Variants in SHOC2 observed in about 807,000 individuals in gnomAD.
SHOC2 encodes the protein SHOC2 leucine rich repeat scaffold protein, also known as leucine-rich repeat protein SHOC-2.
In SHOC2, 4 loss-of-function variants were observed where a neutral mutation model predicts 50.2. The observed-to-expected ratio is 0.08, with a 90% CI of 0.04 to 0.18. SHOC2 has a LOEUF of 0.18. SHOC2 is among the 10% of genes least tolerant of loss of function. The pLI is 1.00. For synonymous variants in SHOC2, 218 were observed against 244.5 expected, an observed-to-expected ratio of 0.89 and a Z score of 1.01; for missense variants, 388 against 669.6, an observed-to-expected ratio of 0.58 and a Z score of 4.64.
chr10:110,961,650 G>T (rs1327556), intron 1 of SHOC2, among the ~76,000 whole-genome samples: 10,100 of 152,054 alleles, frequency 0.066, 442 homozygotes, highest in African/African-American at 0.12. Context: ...GATGAGTTTG[G>T]GGGTCACTAG....
At chr10:110,926,736 A>G (rs1163867818) in intron 1 of SHOC2, among the ~76,000 whole-genome samples, 2 of 152,204 alleles carry the variant, frequency 1.3e-5, no homozygotes, top group African/African-American at 4.8e-5. Flanking sequence ...AAATTTTGTT[A>G]ATAACCTCAT....
intron 1 of SHOC2, among the ~76,000 whole-genome samples, chr10:110,955,037 T>C (rs2134109082): frequency 1.3e-5 from 2 of 152,308 alleles, no homozygotes; most frequent in African/African-American, 4.8e-5. Context: ...TACCTAATAT[T>C]TGAAAAATTA....
At chr10:110,997,917 A>G (rs1468438497) in intron 3 of SHOC2, among the ~76,000 whole-genome samples, 1 of 151,804 alleles carries the variant, frequency 6.6e-6, no homozygotes, top group Admixed American at 6.6e-5. Flanking sequence ...TTGCCATTAT[A>G]TATGACTTAA....
In SHOC2 at chr10:111,008,074, A is replaced by G. The variant is rs185055453; in HGVS notation, c.1284+421A>G. 2.0e-3 allele frequency among the ~76,000 whole-genome samples: 304 copies of G among 148,582 alleles called. 2 individuals are homozygous for G. Among genetic ancestry groups the G allele is most frequent in the African/African-American group, 7.3e-3 (294 of 40,226 alleles). On this transcript the variant is annotated intron_variant, in intron 6 of 8. Coordinates refer to ENST00000369452, the MANE Select transcript of SHOC2 (RefSeq NM_007373.4). ...CTGCTATTTTATTTACTCATTGATT[A>G]TTGTCTTTGTTGTAAATCTGGTATG... is the stretch of plus-strand genomic sequence containing the variant.
At chr10:110,971,071 A>G (rs1847772850) in intron 2 of SHOC2, among the ~76,000 whole-genome samples, 1 of 151,800 alleles carries the variant, frequency 6.6e-6, no homozygotes, top group South Asian at 2.1e-4. Context: ...CCATTTGTCT[A>G]TTTTTGCTTG....
In SHOC2 at chr10:110,936,604, T is replaced by TTTTTTTTTTTA. The variant is rs763178456; in HGVS notation, c.-235+16947_-235+16948insTTTTTTTTTTA. 465 of 761,624 alleles carry TTTTTTTTTTTA rather than the reference T, an allele frequency of 6.1e-4. 5 individuals carry two copies. In the East Asian group the frequency reaches 0.01, roughly 17 times the overall value. 47.2% of individuals were successfully genotyped at this position (761,624 alleles called of 1,614,324 possible). ...TTTTCTTTTCCTTTTTTTTTTTTTTTAACAGTCTTTATTGGGCTCAGACCA... is the reference window on the plus strand; with the variant it reads ...TTTTCTTTTCCTTTTTTTTTTTTTTTTTTTTTTTTTAAACAGTCTTTATTGGGCTCAGACCA... On this transcript the variant is annotated intron_variant, in intron 1 of 8. Transcript: ENST00000369452.
chr10:110,986,496 CAG>C (rs1848078999), intron 3 of SHOC2, among the ~76,000 whole-genome samples: 2 of 151,750 alleles, frequency 1.3e-5, no homozygotes, highest in African/African-American at 2.4e-5. Flanking sequence ...TTTTTTGAGA[CAG>C]AGTTTCACTC....
At chr10:110,975,841 C>G (rs1391872546) in intron 2 of SHOC2, among the ~76,000 whole-genome samples, 3 of 151,954 alleles carry the variant, frequency 2.0e-5, no homozygotes, top group African/African-American at 7.3e-5. Flanking sequence ...TGTTTTTAGA[C>G]TATGCAGATA....
intron 7 of SHOC2, 51 bp downstream of exon 7, chr10:111,009,436 C>A: frequency 7.0e-7 from 1 of 1,418,876 alleles, no homozygotes; most frequent in Non-Finnish European, 9.9e-7. Context: ...GAATCTGTTC[C>A]AAATTCCACA....
In SHOC2 at chr10:110,964,619, T is replaced by C. The variant is rs1286847375; in HGVS notation, c.261T>C (p.Asn87=). ...PAPGTRKKSS[N]AEVIKELNKC... ...CTGGGACTAGAAAAAAATCCAGCAA[T>C]GCAGAGGTGATTAAAGAGCTCAACA... The change falls in exon 2 of 9, where the codon AAT becomes AAC. Residue 87 remains asparagine, a synonymous_variant. Transcript: ENST00000369452. The surrounding 1 kb of genome is among the most constrained non-coding windows in gnomAD (Gnocchi z 4.9). 6.2e-7 allele frequency: 1 copy of C among 1,614,024 alleles called. No individual in the cohort carries two copies. Among genetic ancestry groups the C allele is most frequent in the Admixed American group, 1.7e-5 (1 of 60,002 alleles).
intron 2 of SHOC2, among the ~76,000 whole-genome samples, chr10:110,977,203 A>C (rs1428725750): frequency 6.6e-6 from 1 of 152,014 alleles, no homozygotes; most frequent in African/African-American, 2.4e-5. Context: ...GTTGCTACAG[A>C]ATGATTTTTC....
At chr10:110,935,859 G>T (rs1846997146) in intron 1 of SHOC2, among the ~76,000 whole-genome samples, 1 of 152,060 alleles carries the variant, frequency 6.6e-6, no homozygotes, top group South Asian at 2.1e-4. Context: ...ATCAGGAATT[G>T]TAACAATTAC....
chr10:110,996,267 G>A (rs1282165860), intron 3 of SHOC2, among the ~76,000 whole-genome samples: 1 of 152,094 alleles, frequency 6.6e-6, no homozygotes, highest in African/African-American at 2.4e-5. Flanking sequence ...AGTGGCTCAC[G>A]CCTGTAATCC....
intron 3 of SHOC2, among the ~76,000 whole-genome samples, chr10:110,993,124 C>T (rs1848214006): frequency 6.6e-6 from 1 of 152,190 alleles, no homozygotes. Context: ...CAAAGTTAAG[C>T]ACTTGAAAGC....
intron 2 of SHOC2, among the ~76,000 whole-genome samples, chr10:110,976,242 G>A (rs984557721): frequency 4.0e-5 from 6 of 151,620 alleles, no homozygotes; most frequent in Admixed American, 3.3e-4. Context: ...AAGAACGTCC[G>A]TTAACATATT....
At chr10:110,924,455 A>G (rs1047244889) in intron 1 of SHOC2, among the ~76,000 whole-genome samples, 2 of 152,192 alleles carry the variant, frequency 1.3e-5, no homozygotes, top group African/African-American at 4.8e-5. Flanking sequence ...AAGGTTAGAT[A>G]TGTTTAGGTC....
At chr10:110,961,066 AG>A (rs1847562834) in intron 1 of SHOC2, among the ~76,000 whole-genome samples, 2 of 152,300 alleles carry the variant, frequency 1.3e-5, no homozygotes, top group Admixed American at 1.3e-4. Flanking sequence ...GGTAGTTATT[AG>A]GTGGAGGTGA....
intron 2 of SHOC2, among the ~76,000 whole-genome samples, chr10:110,984,345 T>A (rs1848039004): frequency 6.6e-6 from 1 of 152,212 alleles, no homozygotes; most frequent in Non-Finnish European, 1.5e-5. Context: ...TTGGCTTCTT[T>A]GAGGTTTTTT....
chr10:110,955,659 T>C (rs1302038499), intron 1 of SHOC2, among the ~76,000 whole-genome samples: 1 of 152,158 alleles, frequency 6.6e-6, no homozygotes, highest in Non-Finnish European at 1.5e-5. Flanking sequence ...AGGGGGAAAA[T>C]AGAATCTTTT....
Sources: gnomAD v4.1 joint callset for allele counts (sites outside exome capture counted in the v4.1 genomes callset) on GRCh38, gnomAD v4.1.1 for gene constraint, Gnocchi (gnomAD v3.1) non-coding constraint, MANE v1.5 for transcripts, NCBI Gene and HGNC (gene_info 2026-07-23, HGNC 2026-07-21) for gene names.